DLGAP2: variants seen among roughly 807,000 people sequenced by gnomAD.
DLGAP2 encodes the protein disks large-associated protein 2.
In DLGAP2, 26 loss-of-function variants were observed where a neutral mutation model predicts 100.3. The observed-to-expected ratio is 0.26, with a 90% CI of 0.19 to 0.36. The LOEUF (loss-of-function observed/expected upper bound fraction) is 0.36, where lower values mean the gene tolerates loss of function less well. DLGAP2 is among the 10% of genes least tolerant of loss of function. The pLI is 1.00. For missense variants in DLGAP2, 1,858 were observed against 1,453.2 expected (o/e 1.28, Z -4.53); for synonymous variants, 886 against 630.1 (o/e 1.41, Z -6.08).
chr8:959,477 G>A (rs1434744126), intron 2 of DLGAP2, among the ~76,000 whole-genome samples: 8 of 152,200 alleles, frequency 5.3e-5, no homozygotes, highest in African/African-American at 1.9e-4. Flanking sequence ...TTAGAATGTG[G>A]TCTTGAAGAG....
At chr8:908,060 A>G (rs1798416046) in intron 2 of DLGAP2, 94 bp downstream of exon 2, 2 of 396,638 alleles carry the variant, frequency 5.0e-6, no homozygotes, top group African/African-American at 2.1e-5. Context: ...TATTTTGTGC[A>G]TTTTTATTTT....
intron 3 of DLGAP2, among the ~76,000 whole-genome samples, chr8:1,458,607 G>T (rs1048621741): frequency 2.6e-5 from 4 of 152,182 alleles, no homozygotes; most frequent in African/African-American, 7.2e-5. Flanking sequence ...TGTGTCTATG[G>T]TTTTTTATCA....
intron 3 of DLGAP2, among the ~76,000 whole-genome samples, chr8:1,355,520 A>G (rs1017296804): frequency 6.6e-6 from 1 of 151,816 alleles, no homozygotes; most frequent in Non-Finnish European, 1.5e-5. Flanking sequence ...GTGTGCCACC[A>G]TGCTTGGCTA....
intron 3 of DLGAP2, among the ~76,000 whole-genome samples, chr8:1,455,668 C>T (rs1400009511): frequency 6.6e-6 from 1 of 152,184 alleles, no homozygotes; most frequent in Non-Finnish European, 1.5e-5. Context: ...GGGCACGCCC[C>T]CCATTTATAT....
intron 1 of DLGAP2, among the ~76,000 whole-genome samples, chr8:741,537 A>T (rs1820485828): frequency 6.6e-6 from 1 of 152,012 alleles, no homozygotes; most frequent in Non-Finnish European, 1.5e-5. Flanking sequence ...CTGCAGGTGC[A>T]CCTCTCCTGA....
chr8:1,233,963 C>T (rs1039460042), intron 2 of DLGAP2, among the ~76,000 whole-genome samples: 8 of 152,082 alleles, frequency 5.3e-5, no homozygotes, highest in Non-Finnish European at 7.4e-5. Flanking sequence ...GGGGTTTGAC[C>T]AGGTGGTCAA....
intron 2 of DLGAP2, among the ~76,000 whole-genome samples, chr8:1,082,004 T>C (rs930965251): frequency 2.0e-5 from 3 of 152,130 alleles, no homozygotes; most frequent in Non-Finnish European, 2.9e-5. Context: ...ACAGCGAAAC[T>C]GTCTTTTCCC....
chr8:1,594,469 C>T (rs1322559049), intron 6 of DLGAP2, among the ~76,000 whole-genome samples: 1 of 152,068 alleles, frequency 6.6e-6, no homozygotes, highest in Non-Finnish European at 1.5e-5. Flanking sequence ...TGGAAAGATT[C>T]AACAACAGAC....
At chr8:940,160 G>A (rs987516606) in intron 2 of DLGAP2, among the ~76,000 whole-genome samples, 1 of 152,078 alleles carries the variant, frequency 6.6e-6, no homozygotes, top group Non-Finnish European at 1.5e-5. Flanking sequence ...TATGGCTTGA[G>A]TTTTACTACG....
intron 2 of DLGAP2, among the ~76,000 whole-genome samples, chr8:1,173,239 G>C (rs1053511707): frequency 6.6e-6 from 1 of 152,142 alleles, no homozygotes; most frequent in East Asian, 1.9e-4. Context: ...CGTTCTTCTG[G>C]AAGTTTTGTC....
intron 2 of DLGAP2, among the ~76,000 whole-genome samples, chr8:1,199,130 A>C (rs73538037): frequency 6.6e-6 from 1 of 152,250 alleles, no homozygotes; most frequent in Non-Finnish European, 1.5e-5. Context: ...ACATACACAC[A>C]ACAACAACCG....
chr8:1,298,857 A>C (rs1202067605), intron 3 of DLGAP2, among the ~76,000 whole-genome samples: 1 of 152,194 alleles, frequency 6.6e-6, no homozygotes, highest in Non-Finnish European at 1.5e-5. Context: ...CGAATGTCCC[A>C]GCGAACTCCC....
At chr8:1,517,963 A>C (rs974700366) in intron 4 of DLGAP2, among the ~76,000 whole-genome samples, 2 of 152,242 alleles carry the variant, frequency 1.3e-5, no homozygotes, top group African/African-American at 4.8e-5. Flanking sequence ...GCTCATCGTC[A>C]GTAACACACA....
At chr8:833,147 T>G (rs1160349355) in intron 1 of DLGAP2, among the ~76,000 whole-genome samples, 1 of 152,160 alleles carries the variant, frequency 6.6e-6, no homozygotes. Flanking sequence ...GGCAGACATA[T>G]GATTAAGGCC....
chr8:1,058,198 G>C (rs895739883), intron 2 of DLGAP2, among the ~76,000 whole-genome samples: 3 of 151,934 alleles, frequency 2.0e-5, no homozygotes, highest in Non-Finnish European at 4.4e-5. Flanking sequence ...CGGCGGGTCT[G>C]GGGGTGTGGC....
intron 8 of DLGAP2, among the ~76,000 whole-genome samples, chr8:1,661,566 C>T (rs1798409494): frequency 6.6e-6 from 1 of 152,154 alleles, no homozygotes; most frequent in Non-Finnish European, 1.5e-5. Context: ...GAAATGTAAC[C>T]ATGTATGGGA....
intron 3 of DLGAP2, among the ~76,000 whole-genome samples, chr8:1,297,481 A>C (rs547224970): frequency 7.6e-6 from 1 of 131,214 alleles, no homozygotes; most frequent in African/African-American, 2.9e-5. Flanking sequence ...CAGACACTAC[A>C]CGAGACAGGG....
At chr8:838,745 A>C (rs1268718778) in intron 1 of DLGAP2, among the ~76,000 whole-genome samples, 1 of 152,214 alleles carries the variant, frequency 6.6e-6, no homozygotes, top group Admixed American at 6.5e-5. Context: ...GTAATGAAGA[A>C]CTTTCTTTAA....
chr8:1,142,499 G>T (rs910708245), intron 2 of DLGAP2, among the ~76,000 whole-genome samples: 9 of 152,176 alleles, frequency 5.9e-5, no homozygotes, highest in African/African-American at 2.2e-4. Flanking sequence ...GAATTATTTG[G>T]GTCTAGTATA....
Sources: gnomAD v4.1 joint callset for allele counts (sites outside exome capture counted in the v4.1 genomes callset) on GRCh38, gnomAD v4.1.1 for gene constraint, MANE v1.5 for transcripts, NCBI Gene and HGNC (gene_info 2026-07-23, HGNC 2026-07-21) for gene names.